Variants in NDST4 observed in about 807,000 individuals in gnomAD.
NDST4 encodes the protein N-heparan sulfate sulfotransferase 4.
NDST4 carries 63 observed loss-of-function variants against 100.8 expected under a neutral mutation model. The observed-to-expected ratio is 0.62, with a 90% CI of 0.51 to 0.77. NDST4 has a LOEUF of 0.77. Among genes scored for constraint, NDST4 ranks in the 30% least tolerant of loss-of-function variants. The pLI, the probability that NDST4 is intolerant of heterozygous loss-of-function variation, is 0.00. For synonymous variants in NDST4, 377 were observed against 361.8 expected, an observed-to-expected ratio of 1.04 and a Z score of -0.48; for missense variants, 943 against 1,018.4, an observed-to-expected ratio of 0.93 and a Z score of 1.01.
At chr4:115,026,140 T>G (rs764496988) in intron 2 of NDST4, among the ~76,000 whole-genome samples, 4 of 152,126 alleles carry the variant, frequency 2.6e-5, no homozygotes, top group Non-Finnish European at 5.9e-5. Flanking sequence ...TTTGATTGCA[T>G]GTACTTTAAC....
chr4:114,976,969 G>C (rs1393950067), intron 3 of NDST4, among the ~76,000 whole-genome samples: 1 of 151,750 alleles, frequency 6.6e-6, no homozygotes. Context: ...TTTAAAAAAT[G>C]AGTTGAAAAA....
intron 6 of NDST4, among the ~76,000 whole-genome samples, chr4:114,899,433 T>C (rs1724788393): frequency 6.6e-6 from 1 of 152,140 alleles, no homozygotes; most frequent in Admixed American, 6.5e-5. Context: ...CACCTCGGCC[T>C]CCCAAAATGC....
chr4:114,870,822 T>A lies in NDST4; in HGVS notation c.1665A>T (p.Gln555His). 4 of 1,613,158 alleles carry A rather than the reference T, an allele frequency of 2.5e-6. No individual in the cohort carries two copies. The highest frequency in any genetic ancestry group is 3.4e-6 in the Non-Finnish European group (4 of 1,179,414). ...AGAGCTCAAAATACTGGTGGGCCAG[T>A]TGCACTGGAGGCAGAGTTTGCAATT... ...NLKLQTLPPV[Q>H]LAHQYFELFP... Residue 555 changes from glutamine to histidine, a missense_variant, in exon 7 of 14, where the codon CAA (glutamine) becomes CAT (histidine). By Grantham distance (24) the Gln-to-His change is conservative (BLOSUM62 0). Around this residue, in one of 2 missense-constraint regions of NDST4, gnomAD observed 526 missense variants for 634.1 expected, o/e 0.83. Coordinates refer to ENST00000264363, the MANE Select transcript of NDST4 (RefSeq NM_022569.3).
intron 2 of NDST4, among the ~76,000 whole-genome samples, chr4:115,070,619 A>G (rs952648686): frequency 6.6e-6 from 1 of 152,216 alleles, no homozygotes; most frequent in Non-Finnish European, 1.5e-5. Flanking sequence ...AATGAAAGTT[A>G]TTGAAACTGA....
At chr4:114,907,323 A>G (rs957066665) in intron 6 of NDST4, among the ~76,000 whole-genome samples, 1 of 152,200 alleles carries the variant, frequency 6.6e-6, no homozygotes, top group Admixed American at 6.5e-5. Context: ...TCTGACATTT[A>G]CTAAATGTCT....
intron 6 of NDST4, among the ~76,000 whole-genome samples, chr4:114,886,502 T>C (rs189580537): frequency 1.3e-5 from 2 of 152,230 alleles, no homozygotes; most frequent in African/African-American, 4.8e-5. Context: ...AATTGCCAAT[T>C]AATGATGATG....
intron 6 of NDST4, among the ~76,000 whole-genome samples, chr4:114,903,816 T>C (rs1199318114): frequency 6.6e-6 from 1 of 152,028 alleles, no homozygotes; most frequent in African/African-American, 2.4e-5. Flanking sequence ...AGTGAATCAC[T>C]TGTGATCTGA....
At chr4:115,058,980 T>TACACAC (rs36080386) in intron 2 of NDST4, among the ~76,000 whole-genome samples, 34 of 148,798 alleles carry the variant, frequency 2.3e-4, no homozygotes, top group African/African-American at 6.2e-4. Flanking sequence ...GTTCTGAAGC[T>TACACAC]ACACACACAC....
At chr4:114,867,861 C>T (rs1027274000) in intron 7 of NDST4, among the ~76,000 whole-genome samples, 5 of 151,954 alleles carry the variant, frequency 3.3e-5, no homozygotes, top group Admixed American at 1.3e-4. Context: ...TACACATTCC[C>T]ATGTTAATCA....
chr4:115,018,576 G>A lies in NDST4; in HGVS notation c.979-41302C>T, dbSNP rs564455832. On this transcript the variant is annotated intron_variant, in intron 2 of 13. Transcript: ENST00000264363. ...TTCTATAACTATTATATTCAAATAA[G>A]TGATTTTTATCAGGGATTGCAGGAT... Among the ~76,000 whole-genome samples the A allele has an allele frequency of 2.0e-4, 30 of 151,986 alleles. 1 individual carries two copies. The South Asian group carries it at 6.0e-3, about 30-fold the overall frequency.
intron 13 of NDST4, 54 bp downstream of exon 13, chr4:114,829,736 T>C (rs1723153393): frequency 9.0e-6 from 12 of 1,336,160 alleles, no homozygotes; most frequent in African/African-American, 1.5e-5. Context: ...AGTTTTGAAA[T>C]AGCTGTTTGC....
chr4:114,964,703 G>T (rs1325815682), intron 4 of NDST4, among the ~76,000 whole-genome samples: 1 of 152,116 alleles, frequency 6.6e-6, no homozygotes, highest in Non-Finnish European at 1.5e-5. Flanking sequence ...CAGATCTCTA[G>T]AACTTATTCG....
Position 115,008,749 on chromosome 4 carries a change from T to C in NDST4, c.979-31475A>G, listed in dbSNP as rs1489014978. On this transcript the variant is annotated intron_variant, in intron 2 of 13. Coordinates refer to ENST00000264363, the MANE Select transcript of NDST4 (RefSeq NM_022569.3). ...GGAAAAGAGGAAGTCAAATTGTCCC[T>C]GTTTGCAGATGACATGATTGTATAT... Among the ~76,000 whole-genome samples the C allele has an allele frequency of 6.3e-5, 8 of 127,818 alleles. 2 individuals are homozygous for C. The highest frequency in any genetic ancestry group is 1.7e-5 in the Non-Finnish European group (1 of 59,812). The allele number at this position is 127,818 out of a possible 152,430, so 83.9% of individuals were successfully genotyped here. A position where few individuals can be genotyped will look rare whatever the true frequency, so the allele number is the denominator to read the frequency against.
chr4:114,941,850 A>T (rs1215008675), intron 4 of NDST4, among the ~76,000 whole-genome samples: 1 of 152,202 alleles, frequency 6.6e-6, no homozygotes, highest in Non-Finnish European at 1.5e-5. Context: ...CTTCTTGTTT[A>T]AAATAACTTA....
chr4:114,942,164 G>T (rs1725764422), intron 4 of NDST4, among the ~76,000 whole-genome samples: 1 of 152,138 alleles, frequency 6.6e-6, no homozygotes, highest in South Asian at 2.1e-4. Flanking sequence ...TCATTTAAAT[G>T]AAAAATACCA....
At chr4:114,953,020 C>CTTTT (rs201567077) in intron 4 of NDST4, among the ~76,000 whole-genome samples, 2 of 135,940 alleles carry the variant, frequency 1.5e-5, no homozygotes, top group Non-Finnish European at 3.2e-5. Context: ...CATTTTTTTT[C>CTTTT]TTTTTTTTTT....
chr4:114,881,719 G>C (rs1724373836), intron 6 of NDST4, among the ~76,000 whole-genome samples: 1 of 152,072 alleles, frequency 6.6e-6, no homozygotes, highest in Non-Finnish European at 1.5e-5. Flanking sequence ...TGAAAGTGCA[G>C]TGGCATAAGA....
intron 4 of NDST4, among the ~76,000 whole-genome samples, chr4:114,942,082 GTA>G (rs1273607047): frequency 6.6e-6 from 1 of 152,198 alleles, no homozygotes; most frequent in African/African-American, 2.4e-5. Context: ...ATCATGTAAT[GTA>G]TGTGACTGTT....
Position 114,884,918 on chromosome 4 carries a change from A to G in NDST4, c.1537-13968T>C, listed in dbSNP as rs574339642. On this transcript the variant is annotated intron_variant, in intron 6 of 13. Transcript: ENST00000264363. The stretch of plus-strand genomic sequence containing the variant: ...TAAACTGAATTTGGTTTGGAGGCCG[A>G]CTCTATTGTGAGATAGTAAGCTCAG... Among the ~76,000 whole-genome samples, 37 of 151,980 alleles carry G rather than the reference A, an allele frequency of 2.4e-4. 1 individual carries two copies. Among genetic ancestry groups the G allele is most frequent in the Admixed American group, 1.8e-3 (27 of 15,230 alleles).
Sources: allele counts gnomAD v4.1 joint callset (sites outside exome capture counted in the v4.1 genomes callset), GRCh38; gene constraint gnomAD v4.1.1; regional missense constraint gnomAD v4.1.1; transcripts MANE v1.5; gene names NCBI Gene and HGNC (gene_info 2026-07-23, HGNC 2026-07-21).